The following CPS1 variants were observed in gnomAD, a reference collection of about 807,000 sequenced individuals.
CPS1 encodes carbamoyl-phosphate synthase 1, also known as carbamoyl-phosphate synthase [ammonia], mitochondrial.
CPS1 carries 109 observed loss-of-function variants against 174.6 expected under a neutral mutation model. The observed-to-expected ratio is 0.62, with a 90% CI of 0.53 to 0.73. The LOEUF (loss-of-function observed/expected upper bound fraction) is 0.73. CPS1 is among the 30% of genes least tolerant of loss of function. CPS1 has a pLI of 0.00. For synonymous variants in CPS1, 637 were observed against 632.0 expected (o/e 1.01, Z -0.12); for missense variants, 1,689 against 1,821.9 (o/e 0.93, Z 1.33).
At position 210,616,446 on chromosome 2, in the gene CPS1, T is replaced by G; in HGVS notation, c.2592T>G (p.Leu864=). The G allele has an allele frequency of 1.2e-6, 2 of 1,611,822 alleles. No individual in the cohort carries two copies. Among genetic ancestry groups the G allele is most frequent in the Non-Finnish European group, 1.7e-6 (2 of 1,178,344 alleles). ...AGGCCATTGATGACAACATGTCCCTTGATGAGATTGAGAAGCTCACATACA... is the reference window on the plus strand; with the variant it reads ...AGGCCATTGATGACAACATGTCCCTGGATGAGATTGAGAAGCTCACATACA... ...IAKAIDDNMS[L]DEIEKLTYID... Residue 864 remains leucine (L), a synonymous_variant, in exon 21 of 38, where the codon CTT becomes CTG. Coordinates refer to ENST00000233072, the MANE Select transcript of CPS1 (RefSeq NM_001875.5).
intron 4 of CPS1, among the ~76,000 whole-genome samples, chr2:210,578,580 T>C (rs1234782673): frequency 6.6e-6 from 1 of 152,192 alleles, no homozygotes; most frequent in Admixed American, 6.5e-5. Context: ...ACGAAAGTGC[T>C]GCCTCTCCAA....
intron 13 of CPS1, among the ~76,000 whole-genome samples, chr2:210,596,495 T>A (rs556667708): frequency 1.3e-5 from 2 of 151,920 alleles, no homozygotes; most frequent in African/African-American, 4.8e-5. Context: ...AGTCAAAGAT[T>A]TTCACCTGAT....
chr2:210,628,148 T>G (rs1699749551), intron 21 of CPS1, among the ~76,000 whole-genome samples: 1 of 152,188 alleles, frequency 6.6e-6, no homozygotes, highest in South Asian at 2.1e-4. Context: ...AGTATTAAAT[T>G]GCAGTTACTT....
At position 210,674,888 on chromosome 2, in the gene CPS1, A is replaced by T. The variant is rs767666966; in HGVS notation, c.4102-14A>T. ...GTATATCTAGAAAGTGAATTTTGTG[A>T]AATTCCTTTTCAGCAATCATTCCGG... On this transcript the variant is annotated splice_polypyrimidine_tract_variant and intron_variant, in intron 34 of 37. Coordinates refer to ENST00000233072, the MANE Select transcript of CPS1 (RefSeq NM_001875.5). The T allele has an allele frequency of 1.9e-6, 3 of 1,610,908 alleles. No individual in the cohort carries two copies. The East Asian group carries it at 6.7e-5, about 36-fold the overall frequency.
chr2:210,574,364 G>A (rs1218013424), intron 2 of CPS1, among the ~76,000 whole-genome samples: 2 of 151,842 alleles, frequency 1.3e-5, no homozygotes, highest in Non-Finnish European at 2.9e-5. Context: ...AAAGACAAGG[G>A]GGCATTAGGT....
chr2:210,492,756 A>C (rs1248182307), intron 1 of CPS1, among the ~76,000 whole-genome samples: 1 of 152,152 alleles, frequency 6.6e-6, no homozygotes, highest in Non-Finnish European at 1.5e-5. Flanking sequence ...CTATCTAGTG[A>C]AGCCTATTAA....
At chr2:210,626,321 A>G (rs1245648144) in intron 21 of CPS1, among the ~76,000 whole-genome samples, 1 of 152,144 alleles carries the variant, frequency 6.6e-6, no homozygotes, top group African/African-American at 2.4e-5. Context: ...GAAAGTGAAA[A>G]TCATCATTTC....
intron 1 of CPS1, among the ~76,000 whole-genome samples, chr2:210,571,952 G>C (rs1212206517): frequency 6.7e-6 from 1 of 149,762 alleles, no homozygotes; most frequent in Non-Finnish European, 1.5e-5. Flanking sequence ...GATTTAAAAG[G>C]ATTAGGCACT....
Position 210,616,407 on chromosome 2 carries a change from C to G in CPS1, c.2569-16C>G. 2 of 1,541,280 alleles carry G rather than the reference C, an allele frequency of 1.3e-6. No homozygotes were observed. The highest frequency in any genetic ancestry group is 1.8e-6 in the Non-Finnish European group (2 of 1,114,736). On this transcript the variant is annotated splice_polypyrimidine_tract_variant and intron_variant, in intron 20 of 37. Transcript: ENST00000233072. ...AAAATGTTTGCCAAAGAAAGTATCT[C>G]TTCTCCTCTTGGCAGGCCATTGATG...
In CPS1 at chr2:210,647,987, G is replaced by A. The variant is rs1280211937; in HGVS notation, c.3266G>A (p.Arg1089His). The change falls in exon 26 of 38, where the codon CGC (arginine) becomes CAC (histidine). Residue 1089 changes from arginine to histidine, a missense_variant. By Grantham distance (29) the Arg-to-His change is conservative. Coordinates refer to ENST00000233072, the MANE Select transcript of CPS1 (RefSeq NM_001875.5). Reference protein sequence around the residue: ...SPLQIDRAEDRSIFSAVLDEL... With the variant: ...SPLQIDRAEDHSIFSAVLDEL... ...CTGCAGATCGACAGGGCTGAGGATC[G>A]CTCCATCTTCTCAGCTGTCTTGGAT... 5 of 1,613,852 alleles carry A rather than the reference G, an allele frequency of 3.1e-6. No individual in the cohort carries two copies. The highest frequency in any genetic ancestry group is 2.2e-5 in the South Asian group (2 of 91,088).
chr2:210,505,186 A>G (rs1373458256), intron 1 of CPS1, among the ~76,000 whole-genome samples: 1 of 151,888 alleles, frequency 6.6e-6, no homozygotes, highest in African/African-American at 2.4e-5. Flanking sequence ...AAGCACCTAG[A>G]AGGAAGAAAT....
At chr2:210,489,384 G>A (rs574200907) in intron 1 of CPS1, among the ~76,000 whole-genome samples, 1 of 152,226 alleles carries the variant, frequency 6.6e-6, no homozygotes, top group South Asian at 2.1e-4. Context: ...TCTGTTGGGT[G>A]TCACATAGGT....
In CPS1 at chr2:210,660,429, ATTG is replaced by A. The variant is rs568459006; in HGVS notation, c.3757-50_3757-48del. The A allele has an allele frequency of 3.0e-4, 456 of 1,528,420 alleles. 4 individuals carry two copies. The South Asian group carries it at 4.7e-3, about 16-fold the overall frequency. The allele number at this position is 1,528,420 out of a possible 1,614,324, so 94.7% of individuals were successfully genotyped here. ...AACCAGTGGTAGAGAGAATATTAAT[ATTG>A]TTGTTACTGGCTCTCAATGTCCTCT... is the stretch of plus-strand genomic sequence containing the variant. On this transcript the variant is annotated intron_variant, in intron 31 of 37. Transcript: ENST00000233072.
rs776711741 is a variant in CPS1, at chr2:210,606,751, C to G, written c.2002C>G (p.Pro668Ala). Residue 668 changes from proline (P) to alanine (A), a missense_variant, in exon 18 of 38, where the codon CCT (proline) becomes GCT (alanine). Transcript: ENST00000233072. ...VHTGDSVVVA[P>A]AQTLSNAEFQ... ...TATAGGTGACTCAGTTGTTGTGGCT[C>G]CTGCCCAGACACTCTCCAATGCCGA... 9 of 1,612,260 alleles carry G rather than the reference C, an allele frequency of 5.6e-6. No individual in the cohort carries two copies. Among genetic ancestry groups the G allele is most frequent in the South Asian group, 5.5e-5 (5 of 91,064 alleles).
At chr2:210,493,651 C>T (rs1431570596) in intron 1 of CPS1, among the ~76,000 whole-genome samples, 5 of 152,186 alleles carry the variant, frequency 3.3e-5, no homozygotes, top group African/African-American at 7.2e-5. Flanking sequence ...CCGTTACTGA[C>T]GCCTTTCAGT....
rs550007841 is a variant in CPS1 at position 210,615,863 on chromosome 2, A to T, written c.2569-560A>T. 1.8e-4 allele frequency among the ~76,000 whole-genome samples: 28 copies of T among 152,124 alleles called. No individual in the cohort carries two copies. In the South Asian group the frequency reaches 5.4e-3, roughly 29 times the overall value. ...AAATCATAGTGACTGATTCAAAACA[A>T]TTTTTTATTTGAAGTCCTCTGTGAG... On this transcript the variant is annotated intron_variant, in intron 20 of 37. Coordinates refer to ENST00000233072, the MANE Select transcript of CPS1 (RefSeq NM_001875.5).
chr2:210,585,659 G>C (rs1698082605), intron 6 of CPS1, among the ~76,000 whole-genome samples: 1 of 151,666 alleles, frequency 6.6e-6, no homozygotes, highest in African/African-American at 2.4e-5. Flanking sequence ...CAACATAGTA[G>C]AAATAATAGT....
In CPS1 at chr2:210,599,231, T is replaced by A. The variant is rs890103791; in HGVS notation, c.1360-141T>A. The A allele has an allele frequency of 2.9e-5, 21 of 713,494 alleles. No homozygotes were observed. The African/African-American group carries it at 3.8e-4, about 13-fold the overall frequency. The allele number at this position is 713,494 out of a possible 1,614,324, so 44.2% of individuals were successfully genotyped here. The stretch of plus-strand genomic sequence containing the variant: ...ACCAAATGCTTGTCTTCCTTTAACT[T>A]CCATTCACTAGTCCTGTTACGGATC... On this transcript the variant is annotated intron_variant, in intron 13 of 37. Coordinates refer to ENST00000233072, the MANE Select transcript of CPS1 (RefSeq NM_001875.5).
At chr2:210,602,375 G>T in intron 16 of CPS1, 45 bp downstream of exon 16, 18 of 1,609,768 alleles carry the variant, frequency 1.1e-5, no homozygotes, top group Non-Finnish European at 1.5e-5. Flanking sequence ...AAAAAAACTG[G>T]CTTGATAGAC....
Sources: gnomAD v4.1 joint callset for allele counts (sites outside exome capture counted in the v4.1 genomes callset) on GRCh38, gnomAD v4.1.1 for gene constraint, MANE v1.5 for transcripts, NCBI Gene and HGNC (gene_info 2026-07-23, HGNC 2026-07-21) for gene names.